VRK2: variants seen among roughly 807,000 people sequenced by gnomAD.
VRK2 encodes the protein serine/threonine-protein kinase VRK2.
In VRK2, 60 loss-of-function variants were observed where a neutral mutation model predicts 57.6. The ratio of observed to expected loss-of-function variants is 1.04; its 90% CI spans 0.85 to 1.29. The LOEUF (loss-of-function observed/expected upper bound fraction) is 1.29. VRK2 is among the 50% of genes most tolerant of loss of function. VRK2 has a pLI of 0.00. For synonymous variants in VRK2, 231 were observed against 199.2 expected, an observed-to-expected ratio of 1.16 and a Z score of -1.35; for missense variants, 705 against 588.1, an observed-to-expected ratio of 1.20 and a Z score of -2.06.
intron 12 of VRK2, among the ~76,000 whole-genome samples, chr2:58,148,644 C>T (rs1167386925): frequency 1.3e-5 from 2 of 151,762 alleles, no homozygotes; most frequent in East Asian, 1.9e-4. Flanking sequence ...ATACAAGGCT[C>T]ATGGTTTTAG....
intron 2 of VRK2, among the ~76,000 whole-genome samples, chr2:58,081,198 A>G (rs1163571099): frequency 6.6e-6 from 1 of 151,982 alleles, no homozygotes; most frequent in African/African-American, 2.4e-5. Flanking sequence ...GTTAAACTCC[A>G]CATGTAATAC....
intron 1 of VRK2, among the ~76,000 whole-genome samples, chr2:57,978,376 C>T (rs1479686614): frequency 2.0e-5 from 3 of 151,002 alleles, no homozygotes; most frequent in Admixed American, 2.0e-4. Context: ...TTTCGATTTG[C>T]CTCATAGCTA....
chr2:58,139,060 C>G (rs1425343799), intron 10 of VRK2, among the ~76,000 whole-genome samples: 2 of 152,088 alleles, frequency 1.3e-5, no homozygotes, highest in Non-Finnish European at 2.9e-5. Context: ...GGCAACTCCT[C>G]CTCCCACTGC....
chr2:58,155,509 G>C (rs1683668122), intron 12 of VRK2, among the ~76,000 whole-genome samples: 2 of 152,078 alleles, frequency 1.3e-5, no homozygotes, highest in Admixed American at 1.3e-4. Flanking sequence ...TGGGAAGGAA[G>C]GGGGACCACC....
At chr2:57,974,671 G>A (rs1420225296) in intron 1 of VRK2, among the ~76,000 whole-genome samples, 9 of 151,824 alleles carry the variant, frequency 5.9e-5, no homozygotes, top group Non-Finnish European at 1.3e-4. Flanking sequence ...ATAGGAATAT[G>A]TACTTCAATT....
intron 7 of VRK2, among the ~76,000 whole-genome samples, chr2:58,102,558 C>G (rs893949600): frequency 6.7e-6 from 1 of 148,532 alleles, no homozygotes; most frequent in Non-Finnish European, 1.5e-5. Context: ...AGAGGCTATA[C>G]CAGTCGTAAA....
At position 58,101,159 on chromosome 2, in the gene VRK2, A is replaced by C. The variant is rs531817709; in HGVS notation, c.543+11436A>C. ...GTTTCGATATTTAAAATATTTTGTG[A>C]GGCTTCTTTTCCAGTGCTCGTAAGA... On this transcript the variant is annotated intron_variant, in intron 7 of 12. Coordinates refer to ENST00000340157, the MANE Select transcript of VRK2 (RefSeq NM_006296.7). Among the ~76,000 whole-genome samples the C allele has an allele frequency of 2.6e-5, 4 of 151,846 alleles. 1 individual carries two copies. Among genetic ancestry groups the C allele is most frequent in the African/African-American group, 9.6e-5 (4 of 41,536 alleles).
At chr2:58,088,519 T>C in intron 6 of VRK2, 73 bp downstream of exon 6, 2 of 1,147,046 alleles carry the variant, frequency 1.7e-6, no homozygotes, top group Middle Eastern at 3.9e-4. Context: ...CTTTTCCCTT[T>C]GTGGAATTAT....
At chr2:58,117,434 T>G (rs1245140517) in intron 7 of VRK2, among the ~76,000 whole-genome samples, 1 of 151,812 alleles carries the variant, frequency 6.6e-6, no homozygotes, top group Non-Finnish European at 1.5e-5. Flanking sequence ...TGAGGAAGAA[T>G]TGGGACCTAG....
intron 12 of VRK2, among the ~76,000 whole-genome samples, chr2:58,150,436 T>C (rs1342711962): frequency 6.6e-6 from 1 of 151,412 alleles, no homozygotes; most frequent in African/African-American, 2.4e-5. Flanking sequence ...CCAATATCTA[T>C]ATTGATGTCC....
At chr2:58,001,819 C>G (rs916422987) in intron 1 of VRK2, among the ~76,000 whole-genome samples, 2 of 152,038 alleles carry the variant, frequency 1.3e-5, no homozygotes, top group African/African-American at 2.4e-5. Context: ...AAGACTCTGT[C>G]TCAATAATAA....
intron 1 of VRK2, among the ~76,000 whole-genome samples, chr2:58,004,246 T>A (rs1673177627): frequency 6.6e-6 from 1 of 152,048 alleles, no homozygotes; most frequent in African/African-American, 2.4e-5. Context: ...TATAATATGC[T>A]TTTATAGTTC....
At chr2:58,156,382 T>C (rs765482683) in intron 12 of VRK2, among the ~76,000 whole-genome samples, 13 of 152,208 alleles carry the variant, frequency 8.5e-5, no homozygotes, top group Non-Finnish European at 1.8e-4. Flanking sequence ...GCTGCTTTTA[T>C]CTGTGGGTTG....
intron 1 of VRK2, among the ~76,000 whole-genome samples, chr2:58,012,426 G>A (rs557989137): frequency 6.6e-6 from 1 of 152,274 alleles, no homozygotes; most frequent in Non-Finnish European, 1.5e-5. Context: ...GCACTTCAAT[G>A]TTTTGGAGCA....
At chr2:57,919,785 G>T (rs1449431050) in intron 1 of VRK2, among the ~76,000 whole-genome samples, 1 of 152,008 alleles carries the variant, frequency 6.6e-6, no homozygotes, top group East Asian at 1.9e-4. Flanking sequence ...TTATTAATGG[G>T]AAAACACTAA....
intron 11 of VRK2, among the ~76,000 whole-genome samples, chr2:58,141,619 A>ATATT (rs968253946): frequency 6.6e-6 from 1 of 152,008 alleles, no homozygotes; most frequent in Non-Finnish European, 1.5e-5. Flanking sequence ...CAGCAGATCA[A>ATATT]TATTTATTTA....
intron 8 of VRK2, among the ~76,000 whole-genome samples, chr2:58,128,390 G>A (rs1678675630): frequency 6.6e-6 from 1 of 152,072 alleles, no homozygotes; most frequent in South Asian, 2.1e-4. Flanking sequence ...GGAGGACAGT[G>A]GTGCTATCTC....
chr2:58,019,276 T>G (rs543840767), intron 1 of VRK2, among the ~76,000 whole-genome samples: 1 of 152,354 alleles, frequency 6.6e-6, no homozygotes, highest in African/African-American at 2.4e-5. Context: ...ATTAATACTT[T>G]AAGTGTCAGG....
At chr2:57,979,858 T>C (rs1672368284) in intron 1 of VRK2, among the ~76,000 whole-genome samples, 2 of 152,218 alleles carry the variant, frequency 1.3e-5, no homozygotes, top group South Asian at 4.1e-4. Context: ...GAGGGTTTTT[T>C]GTATTTCTGT....
Sources: allele counts gnomAD v4.1 joint callset (sites outside exome capture counted in the v4.1 genomes callset), GRCh38; gene constraint gnomAD v4.1.1; transcripts MANE v1.5; gene names NCBI Gene and HGNC (gene_info 2026-07-23, HGNC 2026-07-21).